Variants in EZH2 observed in about 807,000 individuals in gnomAD.
EZH2 encodes the protein histone-lysine N-methyltransferase EZH2.
EZH2 carries 18 observed loss-of-function variants against 98.4 expected under a neutral mutation model. That is an observed-to-expected ratio of 0.18 (90% CI 0.13 to 0.27). EZH2 has a LOEUF of 0.27. EZH2 is among the 10% of genes least tolerant of loss of function. The pLI is 1.00. For missense variants in EZH2, 470 were observed against 935.1 expected, an observed-to-expected ratio of 0.50 and a Z score of 6.49; for synonymous variants, 338 against 312.3, an observed-to-expected ratio of 1.08 and a Z score of -0.87.
chr7:148,817,458 G>A, intron 10 of EZH2, 67 bp from the exon 11 acceptor site: 1 of 1,509,472 alleles, frequency 6.6e-7, no homozygotes, highest in East Asian at 2.3e-5. Context: ...TACAATTCAG[G>A]GTGTGCTTAA....
intron 1 of EZH2, among the ~76,000 whole-genome samples, chr7:148,866,548 A>ATACATACG (rs1818506822): frequency 2.0e-5 from 2 of 101,932 alleles, no homozygotes; most frequent in Non-Finnish European, 3.9e-5. Context: ...GTATATACAT[A>ATACATACG]TATATACATA....
chr7:148,844,838 T>A (rs1813553826), intron 3 of EZH2, among the ~76,000 whole-genome samples: 1 of 152,180 alleles, frequency 6.6e-6, no homozygotes, highest in South Asian at 2.1e-4. Flanking sequence ...TGTATGTCAA[T>A]AATGTACTTC....
intron 1 of EZH2, among the ~76,000 whole-genome samples, chr7:148,864,621 G>A (rs1818164892): frequency 6.7e-6 from 1 of 149,554 alleles, no homozygotes; most frequent in Non-Finnish European, 1.5e-5. Context: ...GGAGGCCAAG[G>A]CTGCAGTGAG....
intron 16 of EZH2, among the ~76,000 whole-genome samples, 193 bp from the exon 17 acceptor site, chr7:148,810,607 C>G (rs1024492095): frequency 1.3e-5 from 2 of 152,218 alleles, no homozygotes; most frequent in Non-Finnish European, 2.9e-5. Flanking sequence ...GACCCCAACT[C>G]AGAAATATTT....
chr7:148,870,097 T>C (rs1192454855), intron 1 of EZH2, among the ~76,000 whole-genome samples: 1 of 152,208 alleles, frequency 6.6e-6, no homozygotes, highest in Non-Finnish European at 1.5e-5. Flanking sequence ...GTTCTCTATT[T>C]CAGGCAAATA....
chr7:148,833,910 C>A (rs1433391002), intron 3 of EZH2, among the ~76,000 whole-genome samples: 1 of 152,180 alleles, frequency 6.6e-6, no homozygotes, highest in Non-Finnish European at 1.5e-5. Context: ...CTTATATTGC[C>A]ATGATACCAT....
intron 7 of EZH2, 21 bp downstream of exon 7, chr7:148,827,143 C>G: frequency 6.3e-7 from 1 of 1,595,370 alleles, no homozygotes; most frequent in Non-Finnish European, 8.6e-7. Flanking sequence ...GCAAGATTGC[C>G]TCAAAGGAAC....
At chr7:148,830,111 T>TTG (rs1056456773) in intron 4 of EZH2, among the ~76,000 whole-genome samples, 1 of 152,222 alleles carries the variant, frequency 6.6e-6, no homozygotes, top group Non-Finnish European at 1.5e-5. Flanking sequence ...TCATTAAAAC[T>TTG]TACCACCATT....
At position 148,808,652 on chromosome 7, in the gene EZH2, C is replaced by T. The variant is rs144001754; in HGVS notation, c.2195+419G>A. On this transcript the variant is annotated intron_variant, in intron 19 of 19. Transcript: ENST00000320356. ...TATGTGTAATAAGTATTATAGCAAA[C>T]AATAAATTAAGTAGATCTAATCCAT... Among the ~76,000 whole-genome samples the T allele has an allele frequency of 5.5e-4, 83 of 152,256 alleles. 1 individual carries two copies. In the East Asian group the frequency reaches 0.013, roughly 24 times the overall value.
At chr7:148,825,338 T>C (rs1210284030) in intron 8 of EZH2, among the ~76,000 whole-genome samples, 1 of 152,230 alleles carries the variant, frequency 6.6e-6, no homozygotes, top group Admixed American at 6.5e-5. Context: ...CAAATCAATT[T>C]AAACTAGATG....
chr7:148,826,677 C>T (rs759755218), intron 7 of EZH2, 45 bp from the exon 8 acceptor site: 4 of 1,401,172 alleles, frequency 2.9e-6, no homozygotes, highest in South Asian at 1.9e-5. Context: ...AAACAAAAAT[C>T]ACTTTTTTGA....
chr7:148,829,934 T>C, intron 4 of EZH2, 86 bp from the exon 5 acceptor site: 1 of 954,504 alleles, frequency 1.0e-6, no homozygotes, highest in East Asian at 2.8e-5. Flanking sequence ...TTTTCATGTG[T>C]ACATGTCTTT....
chr7:148,865,936 C>T (rs1818376374), intron 1 of EZH2, among the ~76,000 whole-genome samples: 1 of 152,104 alleles, frequency 6.6e-6, no homozygotes, highest in Non-Finnish European at 1.5e-5. Context: ...CAAGGAAGTA[C>T]CAATGTCTGC....
At chr7:148,808,690 AGT>A (rs1212009449) in intron 19 of EZH2, among the ~76,000 whole-genome samples, 1 of 152,212 alleles carries the variant, frequency 6.6e-6, no homozygotes, top group Non-Finnish European at 1.5e-5. Flanking sequence ...AGATATGCAT[AGT>A]ATATTGTCAA....
intron 3 of EZH2, 122 bp from the exon 4 acceptor site, chr7:148,832,872 T>A: frequency 1.8e-6 from 1 of 547,096 alleles, no homozygotes; most frequent in Non-Finnish European, 3.2e-6. Flanking sequence ...AGTCCTTACC[T>A]AGGACAGTAA....
At chr7:148,872,341 A>G (rs1819539318) in intron 1 of EZH2, among the ~76,000 whole-genome samples, 1 of 152,098 alleles carries the variant, frequency 6.6e-6, no homozygotes, top group South Asian at 2.1e-4. Flanking sequence ...GGGGAGGGGG[A>G]AGTGGGAATT....
intron 1 of EZH2, chr7:148,883,294 G>GAC (rs1044464949): frequency 1.3e-5 from 2 of 152,330 alleles, no homozygotes; most frequent in Non-Finnish European, 2.9e-5. Context: ...GAACGGAAGG[G>GAC]GATGTACACA....
intron 3 of EZH2, chr7:148,836,813 T>C (rs747833461): frequency 1.2e-5 from 6 of 494,170 alleles, no homozygotes; most frequent in South Asian, 3.1e-5. Context: ...TGAGGATGGA[T>C]AGACTTACAT....
At chr7:148,829,445 C>T (rs989098266) in intron 5 of EZH2, among the ~76,000 whole-genome samples, 2 of 152,118 alleles carry the variant, frequency 1.3e-5, no homozygotes, top group East Asian at 3.8e-4. Context: ...TTAAAATCTA[C>T]ATACACTCAA....
Sources: allele counts gnomAD v4.1 joint callset (sites outside exome capture counted in the v4.1 genomes callset), GRCh38; gene constraint gnomAD v4.1.1; transcripts MANE v1.5; gene names NCBI Gene and HGNC (gene_info 2026-07-23, HGNC 2026-07-21).